The following CPNE4 variants were observed in gnomAD, a reference collection of about 807,000 sequenced individuals.
The protein encoded by CPNE4 is copine-4.
Under a neutral mutation model 67.9 loss-of-function variants are expected in CPNE4, and 25 were observed. The ratio of observed to expected loss-of-function variants is 0.37; its 90% confidence interval spans 0.27 to 0.51. The LOEUF (loss-of-function observed/expected upper bound fraction) is 0.51. Ranked by LOEUF, CPNE4 falls within the 20% of genes least tolerant of loss-of-function variation. The probability of loss-of-function intolerance (pLI) is 0.93; values close to 1 mark genes in which losing one functional copy is unlikely to be tolerated. For missense variants in CPNE4, 464 were observed against 690.8 expected (o/e 0.67, Z 3.68); for synonymous variants, 242 against 244.9 (o/e 0.99, Z 0.11).
At chr3:131,915,215 G>C (rs1180907540) in intron 1 of CPNE4, among the ~76,000 whole-genome samples, 2 of 152,134 alleles carry the variant, frequency 1.3e-5, no homozygotes, top group African/African-American at 4.8e-5. Context: ...ATTCTTATAA[G>C]ATGATTTGTA....
intron 2 of CPNE4, among the ~76,000 whole-genome samples, chr3:131,792,704 C>CGCGTGTATATATGTATATAT (rs1560322982): frequency 2.8e-5 from 2 of 71,892 alleles, no homozygotes; most frequent in African/African-American, 1.3e-4. Flanking sequence ...TACATATACA[C>CGCGTGTATATATGTATATAT]ACACGTGTAT....
intron 2 of CPNE4, among the ~76,000 whole-genome samples, chr3:131,888,459 T>A (rs948545615): frequency 6.6e-6 from 1 of 151,952 alleles, no homozygotes; most frequent in Admixed American, 6.6e-5. Context: ...TCTTGAAATA[T>A]AGTATTTGAA....
At chr3:131,647,335 C>A (rs1210040769) in intron 7 of CPNE4, among the ~76,000 whole-genome samples, 33 of 152,206 alleles carry the variant, frequency 2.2e-4, no homozygotes, top group Admixed American at 2.2e-3. Context: ...TTGTTGATTT[C>A]TACAGACAGG....
chr3:131,628,777 T>C (rs1451364568), intron 7 of CPNE4, among the ~76,000 whole-genome samples: 1 of 152,240 alleles, frequency 6.6e-6, no homozygotes, highest in Non-Finnish European at 1.5e-5. Context: ...ATCTATTTGA[T>C]TCTTCTCTCT....
chr3:131,936,169 G>C lies in CPNE4; in HGVS notation c.-1-30725C>G, dbSNP rs544298869. Among the ~76,000 whole-genome samples, 191 of 151,908 alleles carry C rather than the reference G, an allele frequency of 1.3e-3. 2 individuals are homozygous for C. Among genetic ancestry groups the C allele is most frequent in the Non-Finnish European group, 2.3e-3 (156 of 67,978 alleles). ...TCAAACTCCATTTTTACTGGGACTAGAAGACGAATTTAAGCTACAGAAAAT... is the reference window on the plus strand; with the variant it reads ...TCAAACTCCATTTTTACTGGGACTACAAGACGAATTTAAGCTACAGAAAAT... On this transcript the variant is annotated intron_variant, in intron 1 of 15. Coordinates refer to ENST00000429747, the MANE Select transcript of CPNE4 (RefSeq NM_130808.3).
intron 2 of CPNE4, among the ~76,000 whole-genome samples, chr3:131,831,859 C>A (rs2085384709): frequency 6.6e-6 from 1 of 152,138 alleles, no homozygotes; most frequent in African/African-American, 2.4e-5. Flanking sequence ...GAAATAATCT[C>A]TCTAAGTTGT....
intron 8 of CPNE4, among the ~76,000 whole-genome samples, chr3:131,584,857 T>C (rs545073514): frequency 6.6e-6 from 1 of 152,344 alleles, no homozygotes; most frequent in African/African-American, 2.4e-5. Context: ...TAGCCACATG[T>C]AGCTAGTGGC....
intron 6 of CPNE4, among the ~76,000 whole-genome samples, chr3:131,681,694 TA>T (rs1322669643): frequency 1.3e-5 from 2 of 152,198 alleles, no homozygotes; most frequent in Non-Finnish European, 2.9e-5. Flanking sequence ...TCTCTCTTAT[TA>T]TCCCTTTGAA....
intron 7 of CPNE4, among the ~76,000 whole-genome samples, chr3:131,615,383 C>A (rs1352445881): frequency 6.6e-6 from 1 of 152,144 alleles, no homozygotes; most frequent in Non-Finnish European, 1.5e-5. Flanking sequence ...AATACCATAG[C>A]AATACCATTA....
At chr3:131,812,355 C>G (rs1367652032) in intron 2 of CPNE4, among the ~76,000 whole-genome samples, 1 of 151,886 alleles carries the variant, frequency 6.6e-6, no homozygotes, top group African/African-American at 2.4e-5. Context: ...AATGAATGCT[C>G]AGGAAGTGGA....
chr3:131,875,968 T>C (rs1313834340), intron 2 of CPNE4, among the ~76,000 whole-genome samples: 1 of 152,186 alleles, frequency 6.6e-6, no homozygotes. Flanking sequence ...TGGTTGGAAT[T>C]TTCATTGTAA....
chr3:131,805,015 C>T (rs1387441692), intron 2 of CPNE4, among the ~76,000 whole-genome samples: 1 of 152,218 alleles, frequency 6.6e-6, no homozygotes, highest in Non-Finnish European at 1.5e-5. Context: ...GAAATAGTCA[C>T]AAGCAGACTA....
intron 2 of CPNE4, among the ~76,000 whole-genome samples, chr3:131,771,925 A>C (rs1178965332): frequency 6.6e-6 from 1 of 152,118 alleles, no homozygotes; most frequent in Non-Finnish European, 1.5e-5. Flanking sequence ...GAGCACACAC[A>C]CATTTCCAGA....
intron 1 of CPNE4, among the ~76,000 whole-genome samples, chr3:131,923,726 A>AAAAT (rs2070810284): frequency 1.3e-5 from 2 of 149,016 alleles, no homozygotes; most frequent in South Asian, 2.1e-4. Flanking sequence ...AAAAAAAAAA[A>AAAAT]AAATTAAAAA....
chr3:131,587,086 G>A (rs1299829055), intron 8 of CPNE4, among the ~76,000 whole-genome samples: 1 of 152,130 alleles, frequency 6.6e-6, no homozygotes, highest in Non-Finnish European at 1.5e-5. Flanking sequence ...TAGGCGCTCT[G>A]CTATCACCTA....
In CPNE4 at chr3:131,966,752, A is replaced by C. The variant is rs1034593667; in HGVS notation, c.-1-61308T>G. 2.1e-4 allele frequency among the ~76,000 whole-genome samples: 32 copies of C among 152,182 alleles called. No individual in the cohort carries two copies. The Middle Eastern group carries it at 0.014, about 65-fold the overall frequency. On this transcript the variant is annotated intron_variant, in intron 1 of 15. Coordinates refer to ENST00000429747, the MANE Select transcript of CPNE4 (RefSeq NM_130808.3). ...TTAATAGACTACCAAACAAACAAAC[A>C]AAAAAAGCCCAAGACCAGACAGATT...
chr3:131,579,627 T>TGGG (rs1242249347), intron 9 of CPNE4, among the ~76,000 whole-genome samples: 2 of 152,164 alleles, frequency 1.3e-5, no homozygotes, highest in African/African-American at 4.8e-5. Context: ...TCAACACTAA[T>TGGG]AGGAGTTTGG....
At chr3:131,647,961 A>G (rs1245515976) in intron 7 of CPNE4, among the ~76,000 whole-genome samples, 2 of 152,122 alleles carry the variant, frequency 1.3e-5, no homozygotes, top group East Asian at 1.9e-4. Context: ...CTTCAAGTCC[A>G]TAGAACCAGA....
At chr3:131,832,560 T>G (rs2085415476) in intron 2 of CPNE4, among the ~76,000 whole-genome samples, 1 of 152,222 alleles carries the variant, frequency 6.6e-6, no homozygotes, top group South Asian at 2.1e-4. Flanking sequence ...TACCTTGCAG[T>G]ATGGACTTAC....
Sources: gnomAD v4.1 joint callset for allele counts (sites outside exome capture counted in the v4.1 genomes callset) on GRCh38, gnomAD v4.1.1 for gene constraint, MANE v1.5 for transcripts, NCBI Gene and HGNC (gene_info 2026-07-23, HGNC 2026-07-21) for gene names.